The following PPL variants were observed in gnomAD, a reference collection of about 807,000 sequenced individuals.
PPL encodes the protein 190 kDa paraneoplastic pemphigus antigen.
PPL carries 198 observed loss-of-function variants against 194.4 expected under a neutral mutation model. The ratio of observed to expected loss-of-function variants is 1.02; its 90% CI spans 0.91 to 1.15. The LOEUF (loss-of-function observed/expected upper bound fraction) is 1.15, where lower values mean the gene tolerates loss of function less well. PPL is among the 50% of genes most tolerant of loss of function. The pLI is 0.00. For synonymous variants in PPL, 1,220 were observed against 972.4 expected (o/e 1.25, Z -4.74); for missense variants, 2,885 against 2,294.8 (o/e 1.26, Z -5.25).
At chr16:4,927,261 T>C (rs1346733044) in intron 1 of PPL, among the ~76,000 whole-genome samples, 2 of 152,296 alleles carry the variant, frequency 1.3e-5, no homozygotes, top group East Asian at 3.9e-4. Flanking sequence ...GAGAGTGACA[T>C]ACCAGGCAAC....
chr16:4,890,577 A>C, intron 17 of PPL, 151 bp downstream of exon 17: 1 of 1,102,904 alleles, frequency 9.1e-7, no homozygotes, highest in Non-Finnish European at 1.3e-6. Flanking sequence ...AGCATGACTC[A>C]AAAGAGAGAC....
rs763634071 is a variant in PPL, at chr16:4,885,251, C to T, written c.3404G>A (p.Arg1135His). The T allele has an allele frequency of 6.2e-6, 10 of 1,613,020 alleles. No homozygotes were observed. Among genetic ancestry groups the T allele is most frequent in the Middle Eastern group, 1.6e-4 (1 of 6,062 alleles). ...ATEREVSDLTRQYEDEAAKAR... is the reference protein window; with the variant it reads ...ATEREVSDLTHQYEDEAAKAR... ...CTTGGCAGCCTCGTCCTCATATTGG[C>T]GGGTGAGATCGCTGACCTCCCTCTC... Residue 1135 changes from arginine to histidine, a missense_variant, in exon 22 of 22, where the codon CGC (arginine) becomes CAC (histidine). Arg to His is a conservative substitution (Grantham distance 29). Coordinates refer to ENST00000345988, the MANE Select transcript of PPL (RefSeq NM_002705.5). The surrounding 1 kb of genome is among the most constrained non-coding windows in gnomAD (Gnocchi z 6.3).
At chr16:4,918,230 T>C (rs1427825848) in intron 1 of PPL, among the ~76,000 whole-genome samples, 3 of 149,868 alleles carry the variant, frequency 2.0e-5, no homozygotes, top group Non-Finnish European at 4.4e-5. Flanking sequence ...GAGGTGGAGG[T>C]TGCAGTGAGC....
intron 2 of PPL, among the ~76,000 whole-genome samples, chr16:4,907,779 A>G (rs909735306): frequency 7.2e-5 from 11 of 152,210 alleles, no homozygotes; most frequent in East Asian, 5.8e-4. Context: ...TAGTATCTTT[A>G]GCAAAAAGAA....
chr16:4,932,557 G>A (rs982800038), intron 1 of PPL, among the ~76,000 whole-genome samples: 1 of 151,852 alleles, frequency 6.6e-6, no homozygotes, highest in Non-Finnish European at 1.5e-5. Flanking sequence ...GGGATTACAG[G>A]TTTCCGCCAC....
intron 1 of PPL, among the ~76,000 whole-genome samples, chr16:4,924,008 T>A (rs946160347): frequency 5.9e-5 from 9 of 152,118 alleles, no homozygotes; most frequent in African/African-American, 1.9e-4. Context: ...TCTTTCAACA[T>A]AAATGGGGTT....
intron 1 of PPL, among the ~76,000 whole-genome samples, chr16:4,928,557 C>G (rs556896966): frequency 3.3e-5 from 5 of 152,370 alleles, no homozygotes; most frequent in African/African-American, 1.2e-4. Flanking sequence ...TTGCTGCCCC[C>G]ACTGCCTGGG....
Position 4,885,368 on chromosome 16 carries a change from T to A in PPL, c.3287A>T (p.Asp1096Val). The change falls in exon 22 of 22, where the codon GAC (aspartate) becomes GTC (valine). Residue 1096 changes from aspartate (D) to valine (V), a missense_variant. Physicochemically the swap from Asp to Val is radical, Grantham distance 152. Transcript: ENST00000345988. This position sits in a 1 kb window ranked among gnomAD's most constrained non-coding sequence, Gnocchi z 6.3. ...CTCCTTCTCTAGCCTCTTGAGCTTGTCCTGGAGGAAGCTCAGCTCCTCCTC... is the reference window on the plus strand; with the variant it reads ...CTCCTTCTCTAGCCTCTTGAGCTTGACCTGGAGGAAGCTCAGCTCCTCCTC... ...KQEEELSFLQ[D>V]KLKRLEKERA... 2 of 1,612,924 alleles carry A rather than the reference T, an allele frequency of 1.2e-6. No homozygotes were observed. The highest frequency in any genetic ancestry group is 1.7e-6 in the Non-Finnish European group (2 of 1,179,960).
chr16:4,895,558 C>G, intron 10 of PPL, 36 bp downstream of exon 10: 1 of 1,613,046 alleles, frequency 6.2e-7, no homozygotes, highest in South Asian at 1.1e-5. Context: ...GGTCCCCCGC[C>G]CCCCGGGCCA....
At position 4,883,874 on chromosome 16, in the gene PPL, C is replaced by T. The variant is rs140342271; in HGVS notation, c.4781G>A (p.Arg1594Gln). Residue 1594 changes from arginine to glutamine, a missense_variant, in exon 22 of 22, where the codon CGA becomes CAA. Transcript: ENST00000345988. The surrounding 1 kb of genome is among the most constrained non-coding windows in gnomAD (Gnocchi z 4.8). ...SEINMAATET[R>Q]DLRNMTVADS... ...CGCCACGGTCATGTTCCGCAGGTCTCGTGTTTCCGTCGCTGCCATGTTGAT... is the reference window on the plus strand; with the variant it reads ...CGCCACGGTCATGTTCCGCAGGTCTTGTGTTTCCGTCGCTGCCATGTTGAT... 5.1e-4 allele frequency: 821 copies of T among 1,614,022 alleles called. 1 individual carries two copies. The highest frequency in any genetic ancestry group is 2.8e-3 in the Middle Eastern group (17 of 6,062).
chr16:4,885,619 C>T lies in PPL; in HGVS notation c.3036G>A (p.Gln1012=). 5 of 1,612,894 alleles carry T rather than the reference C, an allele frequency of 3.1e-6. No homozygotes were observed. The highest frequency in any genetic ancestry group is 4.2e-6 in the Non-Finnish European group (5 of 1,179,756). ...TCAGTGCCTCCAGCTCCTCCCGCAG[C>T]TGCAAGACCTCATCCGCCTGGGCCC... ...PDRAQADEVL[Q]LREELEALRR... The change falls in exon 22 of 22, where the codon CAG becomes CAA. Residue 1012 remains glutamine (Q), a synonymous_variant. Coordinates refer to ENST00000345988, the MANE Select transcript of PPL (RefSeq NM_002705.5). This position sits in a 1 kb window ranked among gnomAD's most constrained non-coding sequence, Gnocchi z 6.3.
intron 17 of PPL, 87 bp from the exon 18 acceptor site, chr16:4,890,421 C>A: frequency 7.0e-7 from 1 of 1,420,212 alleles, no homozygotes; most frequent in Non-Finnish European, 9.3e-7. Context: ...GGGAAACAAC[C>A]AAATGTAACA....
intron 10 of PPL, 83 bp from the exon 11 acceptor site, chr16:4,895,490 G>C (rs1470305454): frequency 6.2e-6 from 10 of 1,602,256 alleles, no homozygotes; most frequent in African/African-American, 2.7e-5. Flanking sequence ...GCTGGATTCA[G>C]CAGGTGGGGT....
intron 2 of PPL, 89 bp downstream of exon 2, chr16:4,910,761 T>A (rs954056126): frequency 1.8e-5 from 21 of 1,176,302 alleles, no homozygotes; most frequent in Non-Finnish European, 2.7e-5. Context: ...CACCCCTGGG[T>A]GAGAATCACC....
chr16:4,936,688 C>G (rs554058777), intron 1 of PPL, among the ~76,000 whole-genome samples: 1 of 152,308 alleles, frequency 6.6e-6, no homozygotes, highest in South Asian at 2.1e-4. Flanking sequence ...GTGCCCTGTA[C>G]CCCCAGCTCA....
At chr16:4,933,927 G>T (rs183834814) in intron 1 of PPL, among the ~76,000 whole-genome samples, 1 of 152,332 alleles carries the variant, frequency 6.6e-6, no homozygotes. Context: ...GCTATTACCT[G>T]CGGCCGCTTA....
chr16:4,935,937 C>G (rs1311454321), intron 1 of PPL, among the ~76,000 whole-genome samples: 1 of 152,144 alleles, frequency 6.6e-6, no homozygotes, highest in Non-Finnish European at 1.5e-5. Flanking sequence ...TGCCTGAAGC[C>G]TCTTGTCCGA....
At position 4,885,834 on chromosome 16, in the gene PPL, C is replaced by T. The variant is rs1448889840; in HGVS notation, c.2821G>A (p.Val941Met). 9 of 1,607,810 alleles carry T rather than the reference C, an allele frequency of 5.6e-6. No individual in the cohort carries two copies. Among genetic ancestry groups the T allele is most frequent in the Non-Finnish European group, 6.8e-6 (8 of 1,180,004 alleles). ...SVVRKEVLKK[V>M]PDPVLEESFQ... is the part of the protein sequence containing the mutation. ...CTCTCCTCCAGCACGGGATCCGGCA[C>T]CTTCTTGAGCACCTCCTTCCTCACC... The change falls in exon 22 of 22, where the codon GTG (valine) becomes ATG (methionine). Residue 941 changes from valine to methionine, a missense_variant. Coordinates refer to ENST00000345988, the MANE Select transcript of PPL (RefSeq NM_002705.5). The surrounding 1 kb of genome is among the most constrained non-coding windows in gnomAD (Gnocchi z 6.3).
chr16:4,919,812 C>G (rs566400531), intron 1 of PPL, among the ~76,000 whole-genome samples: 4 of 152,076 alleles, frequency 2.6e-5, no homozygotes, highest in African/African-American at 9.7e-5. Context: ...ACCTGTAGTC[C>G]CAGTTCCTTG....
Sources: allele counts gnomAD v4.1 joint callset (sites outside exome capture counted in the v4.1 genomes callset), GRCh38; gene constraint gnomAD v4.1.1; non-coding constraint Gnocchi (gnomAD v3.1); transcripts MANE v1.5; gene names NCBI Gene and HGNC (gene_info 2026-07-23, HGNC 2026-07-21).